DUOX1: variants seen among roughly 807,000 people sequenced by gnomAD.
The protein encoded by DUOX1 is dual oxidase 1.
In DUOX1, 134 loss-of-function variants were observed where a neutral mutation model predicts 181.8. That is an observed-to-expected ratio of 0.74 (90% confidence interval 0.64 to 0.85). The LOEUF (loss-of-function observed/expected upper bound fraction) is 0.85, where lower values mean the gene tolerates loss of function less well. Among genes scored for constraint, DUOX1 ranks in the 40% least tolerant of loss-of-function variants. DUOX1 has a pLI of 0.00. For synonymous variants in DUOX1, 798 were observed against 832.5 expected (o/e 0.96, Z 0.71); for missense variants, 1,814 against 2,064.4 (o/e 0.88, Z 2.35).
chr15:45,161,228 A>G (rs995621125), intron 29 of DUOX1, among the ~76,000 whole-genome samples: 2 of 151,370 alleles, frequency 1.3e-5, no homozygotes, highest in Non-Finnish European at 2.9e-5. Context: ...CCTGGCCAAC[A>G]TGGTGAAACC....
intron 24 of DUOX1, 116 bp downstream of exon 24, chr15:45,152,168 G>A (rs147175753): frequency 8.1e-6 from 12 of 1,476,476 alleles, no homozygotes; most frequent in African/African-American, 1.4e-5. Context: ...GCCTGTCTGA[G>A]TGAAGACTGT....
At chr15:45,153,816 G>GGTTTCAA in intron 26 of DUOX1, 135 bp from the exon 27 acceptor site, 1 of 778,868 alleles carries the variant, frequency 1.3e-6, no homozygotes, top group Admixed American at 2.2e-5. Flanking sequence ...GAAACCAGGA[G>GGTTTCAA]GTGGAGGTTG....
In DUOX1 at chr15:45,152,142, G is replaced by T. The variant is rs143970757; in HGVS notation, c.3193+90G>T. The T allele has an allele frequency of 4.3e-4, 656 of 1,518,760 alleles. 2 individuals carry two copies. The African/African-American group carries it at 7.0e-3, about 16-fold the overall frequency. 94.1% of individuals were successfully genotyped at this position (1,518,760 alleles called of 1,614,324 possible). A position where few individuals can be genotyped will look rare whatever the true frequency, so the allele number is the denominator to read the frequency against. The stretch of plus-strand genomic sequence containing the variant: ...GGGGCCTGCGATAAGTGCCAGCCCT[G>T]GGTAGGGTAAGTGGAGCCTGTCTGA... On this transcript the variant is annotated intron_variant, in intron 24 of 33. Transcript: ENST00000389037.
intron 21 of DUOX1, among the ~76,000 whole-genome samples, chr15:45,150,115 C>T (rs956350185): frequency 6.6e-6 from 1 of 152,224 alleles, no homozygotes; most frequent in Admixed American, 6.5e-5. Context: ...CCTGCCCTGC[C>T]TTCAGTGCTC....
At chr15:45,137,185 TAAAAAAA>T (rs35442034) in intron 9 of DUOX1, among the ~76,000 whole-genome samples, 1 of 81,934 alleles carries the variant, frequency 1.2e-5, no homozygotes, top group Non-Finnish European at 2.3e-5. Context: ...TCGTCTCTAC[TAAAAAAA>T]AAAAAAAAAA....
intron 26 of DUOX1, 69 bp downstream of exon 26, chr15:45,153,548 A>AATGGGG: frequency 2.4e-5 from 5 of 210,480 alleles, no homozygotes; most frequent in Non-Finnish European, 3.0e-5. Context: ...GTGTGTGTGT[A>AATGGGG]TAATGGGGAG....
chr15:45,145,412 G>A (rs916882923), intron 18 of DUOX1, among the ~76,000 whole-genome samples: 2 of 152,128 alleles, frequency 1.3e-5, no homozygotes, highest in Non-Finnish European at 2.9e-5. Flanking sequence ...GAGCAGCGTG[G>A]GCACCATAAG....
At chr15:45,151,832 T>C (rs781447758) in intron 23 of DUOX1, 42 bp from the exon 24 acceptor site, 2 of 1,581,100 alleles carry the variant, frequency 1.3e-6, no homozygotes, top group Admixed American at 1.8e-5. Flanking sequence ...TAGCGTTGGG[T>C]CCCATGGTGG....
rs1445298858 is a variant in DUOX1 at position 45,135,630 on chromosome 15, G to A, written c.652G>A (p.Ala218Thr). 1.3e-6 allele frequency: 2 copies of A among 1,549,936 alleles called. No individual in the cohort carries two copies. The highest frequency in any genetic ancestry group is 2.4e-5 in the East Asian group (1 of 41,804). The stretch of plus-strand genomic sequence containing the variant: ...GCAGAACCCCCTGCTCATGTGGGCG[G>A]CGCCCGACCCCGCCACCGGGCAGAA... Reference protein sequence around the residue: ...DSQNPLLMWAAPDPATGQNGP... With the variant: ...DSQNPLLMWATPDPATGQNGP... Residue 218 changes from alanine (A) to threonine (T), a missense_variant, in exon 6 of 34, where the codon GCG (alanine) becomes ACG (threonine). Transcript: ENST00000389037.
chr15:45,139,986 C>G (rs773463444), intron 12 of DUOX1: 3 of 977,168 alleles, frequency 3.1e-6, no homozygotes, highest in Non-Finnish European at 4.6e-6. Flanking sequence ...ACACCCTGAG[C>G]TACCACCTGG....
At chr15:45,162,118 C>A in intron 30 of DUOX1, 101 bp from the exon 31 acceptor site, 1 of 1,515,630 alleles carries the variant, frequency 6.6e-7, no homozygotes, top group Non-Finnish European at 9.0e-7. Context: ...CTCCTCTTCC[C>A]CTCACTCCAT....
chr15:45,137,040 T>A (rs938934419), intron 9 of DUOX1, among the ~76,000 whole-genome samples: 1 of 151,788 alleles, frequency 6.6e-6, no homozygotes, highest in African/African-American at 2.4e-5. Flanking sequence ...TTCAAAATAA[T>A]GAAAAGGGAA....
intron 18 of DUOX1, among the ~76,000 whole-genome samples, chr15:45,145,303 A>C (rs1896623058): frequency 6.6e-6 from 1 of 152,172 alleles, no homozygotes; most frequent in South Asian, 2.1e-4. Context: ...ATGCCCAGGA[A>C]TGGGCTTCTC....
Position 45,145,087 on chromosome 15 carries a change from A to C in DUOX1, c.2322+7A>C, listed in dbSNP as rs925879244. 4 of 1,591,432 alleles carry C rather than the reference A, an allele frequency of 2.5e-6. No homozygotes were observed. The highest frequency in any genetic ancestry group is 3.4e-6 in the Non-Finnish European group (4 of 1,169,318). On this transcript the variant is annotated splice_region_variant and intron_variant, in intron 18 of 33. Coordinates refer to ENST00000389037, the MANE Select transcript of DUOX1 (RefSeq NM_175940.3). ...CAGGCACCTTTTCTCCCAGGTGTGT[A>C]CATGGGACCAGATCAATCCTTATGC... is the stretch of plus-strand genomic sequence containing the variant.
rs543289444 is a variant in DUOX1 at position 45,154,175 on chromosome 15, T to C, written c.3574+175T>C. The stretch of plus-strand genomic sequence containing the variant: ...GGCAGGAGACTTAGACTACTCTGCA[T>C]TCCAGCCCTCCTCGCAGGAGCTCAA... On this transcript the variant is annotated intron_variant, in intron 27 of 33. Coordinates refer to ENST00000389037, the MANE Select transcript of DUOX1 (RefSeq NM_175940.3). 4.3e-4 allele frequency among the ~76,000 whole-genome samples: 65 copies of C among 152,274 alleles called. No homozygotes were observed. The South Asian group carries it at 0.012, about 28-fold the overall frequency.
At chr15:45,138,975 G>C in intron 10 of DUOX1, 91 bp from the exon 11 acceptor site, 1 of 1,189,964 alleles carries the variant, frequency 8.4e-7, no homozygotes. Flanking sequence ...GGTGGGCTCA[G>C]GGATAAGGAT....
chr15:45,152,185 G>A, intron 24 of DUOX1, 101 bp from the exon 25 acceptor site: 1 of 1,466,354 alleles, frequency 6.8e-7, no homozygotes, highest in Non-Finnish European at 9.2e-7. Flanking sequence ...CTGTGCGGGG[G>A]AGGCCTGTTG....
intron 11 of DUOX1, 117 bp from the exon 12 acceptor site, chr15:45,139,310 C>T: frequency 6.3e-7 from 1 of 1,588,110 alleles, no homozygotes. Flanking sequence ...TTCTGACATG[C>T]TGACCATGGC....
In DUOX1 at chr15:45,134,300, GTCT is replaced by G. The variant is rs1567007202; in HGVS notation, c.303_305del (p.Phe102del). On this transcript the variant is annotated inframe_deletion, in exon 4 of 34. Transcript: ENST00000389037. ...CCTGAGAAACCGCACAGTGTTGGGG[GTCT>G]TCTTTGGTGAGAACTTCAACCTCTG... 1.3e-6 allele frequency: 2 copies of G among 1,597,118 alleles called. No individual in the cohort carries two copies. Among genetic ancestry groups the G allele is most frequent in the Admixed American group, 1.8e-5 (1 of 55,600 alleles).
Sources: gnomAD v4.1 joint callset for allele counts (sites outside exome capture counted in the v4.1 genomes callset) on GRCh38, gnomAD v4.1.1 for gene constraint, MANE v1.5 for transcripts, NCBI Gene and HGNC (gene_info 2026-07-23, HGNC 2026-07-21) for gene names.